Variants in NLRC3 observed in about 807,000 individuals in gnomAD.
The protein encoded by NLRC3 is NLR family CARD domain containing 3.
A neutral mutation model predicts 91.6 loss-of-function variants in NLRC3; 87 were observed. The observed-to-expected ratio is 0.95, with a 90% CI of 0.80 to 1.14. NLRC3 has a LOEUF of 1.14. Ranked by LOEUF, NLRC3 falls within the 50% of genes most tolerant of loss-of-function variation. NLRC3 has a pLI of 0.00. For missense variants in NLRC3, 1,577 were observed against 1,418.6 expected (o/e 1.11, Z -1.79); for synonymous variants, 694 against 625.3 (o/e 1.11, Z -1.64).
intron 8 of NLRC3, 32 bp downstream of exon 8, chr16:3,556,879 G>A (rs370974258): frequency 6.6e-7 from 1 of 1,506,622 alleles, no homozygotes; most frequent in Non-Finnish European, 9.2e-7. Context: ...CCCTCTCTTG[G>A]GGTCACAACA....
chr16:3,542,225 C>A lies in NLRC3; in HGVS notation c.3073G>T (p.Ala1025Ser), dbSNP rs1235230100. The change falls in exon 19 of 20, where the codon GCA (alanine) becomes TCA (serine). Residue 1025 changes from alanine to serine, a missense_variant. Ala to Ser is a moderately conservative substitution (Grantham distance 99). Coordinates refer to ENST00000359128, the MANE Select transcript of NLRC3 (RefSeq NM_178844.4). ...TGGAGCCTGTGGTTTCCAGACAGTGCTGTGGCAATGCATATCGCCCCGTCC... is the reference window on the plus strand; with the variant it reads ...TGGAGCCTGTGGTTTCCAGACAGTGATGTGGCAATGCATATCGCCCCGTCC... ...GMDGAICIAT[A>S]LSGNHRLQHI... 3 of 1,594,188 alleles carry A rather than the reference C, an allele frequency of 1.9e-6. No homozygotes were observed. Among genetic ancestry groups the A allele is most frequent in the Non-Finnish European group, 2.6e-6 (3 of 1,170,096 alleles).
At chr16:3,545,852 C>G (rs1293298111) in intron 15 of NLRC3, 1 of 152,280 alleles carries the variant, frequency 6.6e-6, no homozygotes, top group East Asian at 1.9e-4. Flanking sequence ...CCAGAAGCCA[C>G]CCTGAGGGGC....
chr16:3,544,286 C>T lies in NLRC3; in HGVS notation c.2815G>A (p.Ala939Thr), dbSNP rs925884486. The T allele has an allele frequency of 6.2e-7, 1 of 1,613,386 alleles. No homozygotes were observed. Among genetic ancestry groups the T allele is most frequent in the Non-Finnish European group, 8.5e-7 (1 of 1,179,426 alleles). Residue 939 changes from alanine to threonine, a missense_variant, in exon 16 of 20, where the codon GCC becomes ACC. By Grantham distance (58) the Ala-to-Thr change is moderately conservative (BLOSUM62 0). Coordinates refer to ENST00000359128, the MANE Select transcript of NLRC3 (RefSeq NM_178844.4). ...GCTGTGTTGACCTTCAGTGCACGGGCCACCGCACACGCTCCGTCATCCCCG... is the reference window on the plus strand; with the variant it reads ...GCTGTGTTGACCTTCAGTGCACGGGTCACCGCACACGCTCCGTCATCCCCG... ...AIGDDGACAVARALKVNTALT... is the reference protein window; with the variant it reads ...AIGDDGACAVTRALKVNTALT...
chr16:3,555,011 C>T lies in NLRC3; in HGVS notation c.2184-686G>A, dbSNP rs150669676. ...TTGGGAGGCCGAGGTGGGTGGATCA[C>T]TTGAGGTCAGCAATTTGAGACCAGC... is the stretch of plus-strand genomic sequence containing the variant. On this transcript the variant is annotated intron_variant, in intron 8 of 19. Transcript: ENST00000359128. Among the ~76,000 whole-genome samples the T allele has an allele frequency of 8.6e-3, 1,313 of 152,252 alleles. 19 individuals are homozygous for T. Among genetic ancestry groups the T allele is most frequent in the African/African-American group, 0.03 (1,257 of 41,542 alleles).
At chr16:3,552,150 G>A in intron 10 of NLRC3, 46 bp downstream of exon 10, 1 of 1,156,898 alleles carries the variant, frequency 8.6e-7, no homozygotes, top group Non-Finnish European at 1.3e-6. Context: ...GTTGGGCATT[G>A]TGCTGGGCAC....
At chr16:3,551,218 A>T (rs1038906630) in intron 10 of NLRC3, among the ~76,000 whole-genome samples, 1 of 150,996 alleles carries the variant, frequency 6.6e-6, no homozygotes, top group Non-Finnish European at 1.5e-5. Context: ...TCATCTATCC[A>T]TTCATCCATC....
At chr16:3,565,515 T>G (rs2039843096) in intron 2 of NLRC3, 135 bp from the exon 3 acceptor site, 1 of 340,800 alleles carries the variant, frequency 2.9e-6, no homozygotes, top group Non-Finnish European at 5.4e-6. Flanking sequence ...GCAGCCACTC[T>G]GGGGACGCTA....
Position 3,554,251 on chromosome 16 carries a change from G to A in NLRC3, c.2258C>T (p.Ser753Phe). ...AGATGTGTTCACTCACTGCAGCATG[G>A]AGAGGGTCCGGTTGGAGGCCAAGGC... ...AEALASNRTLSMLHLQKNSIG... is the reference protein window; with the variant it reads ...AEALASNRTLFMLHLQKNSIG... The change falls in exon 9 of 20, where the codon TCC (serine) becomes TTC (phenylalanine). Residue 753 changes from serine to phenylalanine, a missense_variant. Coordinates refer to ENST00000359128, the MANE Select transcript of NLRC3 (RefSeq NM_178844.4). 1 of 1,611,814 alleles carries A rather than the reference G, an allele frequency of 6.2e-7. No individual in the cohort carries two copies. Among genetic ancestry groups the A allele is most frequent in the Non-Finnish European group, 8.5e-7 (1 of 1,177,934 alleles).
In NLRC3 at chr16:3,563,784, G is replaced by C. The variant is rs778397189; in HGVS notation, c.1153C>G (p.Arg385Gly). The change falls in exon 5 of 20, where the codon CGC becomes GGC. Residue 385 changes from arginine (R) to glycine (G), a missense_variant. Physicochemically the swap from Arg to Gly is moderately radical, Grantham distance 125 (BLOSUM62 -2). Coordinates refer to ENST00000359128, the MANE Select transcript of NLRC3 (RefSeq NM_178844.4). Reference protein sequence around the residue: ...EGQEKGKASPRIEQVAHGGRK... With the variant: ...EGQEKGKASPGIEQVAHGGRK... ...CCACCATGGGCCACCTGCTCGATGC[G>C]AGGGCTTGCCTTGCCCTTCTCCTGC... 2 of 1,612,696 alleles carry C rather than the reference G, an allele frequency of 1.2e-6. No homozygotes were observed. The highest frequency in any genetic ancestry group is 1.7e-5 in the Admixed American group (1 of 59,976).
At chr16:3,561,646 G>A in intron 6 of NLRC3, 56 bp downstream of exon 6, 2 of 1,199,172 alleles carry the variant, frequency 1.7e-6, no homozygotes, top group Non-Finnish European at 2.5e-6. Flanking sequence ...ATGGGAAGAG[G>A]GTTCCATACC....
At chr16:3,554,767 T>C (rs1031474236) in intron 8 of NLRC3, among the ~76,000 whole-genome samples, 3 of 152,056 alleles carry the variant, frequency 2.0e-5, no homozygotes, top group African/African-American at 4.8e-5. Flanking sequence ...CATTCCTAGG[T>C]ATATCCTCAA....
chr16:3,563,022 A>G lies in NLRC3; in HGVS notation c.1915T>C (p.Cys639Arg). The G allele has an allele frequency of 1.3e-6, 2 of 1,554,006 alleles. No homozygotes were observed. The highest frequency in any genetic ancestry group is 1.7e-6 in the Non-Finnish European group (2 of 1,149,318). ...CCTGGTATCCACCTGAGCTTCCGGC[A>G]GTAGAGCAGCTGGGGCAGCAGGCTC... The part of the protein sequence containing the change: ...LQSLLPQLLY[C>R]RKLRLDTNQF... Residue 639 changes from cysteine (C) to arginine (R), a missense_variant, in exon 5 of 20, where the codon TGC becomes CGC. Transcript: ENST00000359128.
intron 19 of NLRC3, 76 bp from the exon 20 acceptor site, chr16:3,541,991 G>T: frequency 1.1e-6 from 1 of 910,120 alleles, no homozygotes; most frequent in Non-Finnish European, 1.8e-6. Context: ...AATAGAAAAT[G>T]CAGGACCCCA....
chr16:3,549,195 T>A lies in NLRC3; in HGVS notation c.2550A>T (p.Gly850=). 1 of 1,588,386 alleles carries A rather than the reference T, an allele frequency of 6.3e-7. No individual in the cohort carries two copies. The highest frequency in any genetic ancestry group is 2.3e-5 in the East Asian group (1 of 43,860). Residue 850 remains glycine (G), a synonymous_variant, in exon 13 of 20, where the codon GGA becomes GGT. Transcript: ENST00000359128. ...SLRENSISPE[G]AQAIAHALCA... The stretch of plus-strand genomic sequence containing the variant: ...AGAGGGCATGAGCGATGGCCTGGGC[T>A]CCCTCGGGACTGATGGAGTTTTCTC...
At chr16:3,557,033 T>A in intron 7 of NLRC3, 39 bp from the exon 8 acceptor site, 1 of 1,408,250 alleles carries the variant, frequency 7.1e-7, no homozygotes, top group South Asian at 1.2e-5. Context: ...TTCATCTGTC[T>A]CCCAGAGAGG....
intron 7 of NLRC3, 141 bp downstream of exon 7, chr16:3,557,452 C>A (rs751048529): frequency 8.1e-6 from 5 of 615,010 alleles, no homozygotes; most frequent in Non-Finnish European, 1.5e-5. Flanking sequence ...AGATGCTACC[C>A]AGGGGCTGAA....
chr16:3,547,147 C>T (rs1036933369), intron 15 of NLRC3, among the ~76,000 whole-genome samples: 3 of 152,168 alleles, frequency 2.0e-5, no homozygotes, highest in African/African-American at 2.4e-5. Context: ...AACAACCCAA[C>T]GTCCGTCAGC....
In NLRC3 at chr16:3,564,845, C is replaced by T. The variant is rs2039803805; in HGVS notation, c.178+14G>A. 1.3e-6 allele frequency: 2 copies of T among 1,594,164 alleles called. No homozygotes were observed. On this transcript the variant is annotated intron_variant, in intron 4 of 19. Transcript: ENST00000359128. The surrounding 1 kb of genome is among the most constrained non-coding windows in gnomAD (Gnocchi z 5.9). ...TGTTCCCCACCCCGCGTCTGCCTCC[C>T]AAGCCGGTCCTACCATTGCTGCAGG...
In NLRC3 at chr16:3,541,572, T is replaced by C; in HGVS notation, c.*253A>G. The stretch of plus-strand genomic sequence containing the variant: ...CAGCTTTCAGGCCTTTGGCCCCTAG[T>C]CCCTTGGGGGTGGCCCCTCCCTTCT... On this transcript the variant is annotated 3_prime_UTR_variant, in exon 20 of 20. Transcript: ENST00000359128. 1.9e-6 allele frequency: 1 copy of C among 517,300 alleles called. No individual in the cohort carries two copies. Among genetic ancestry groups the C allele is most frequent in the South Asian group, 2.5e-5 (1 of 39,396 alleles). The allele number at this position is 517,300 out of a possible 1,614,324, so 32.0% of individuals were successfully genotyped here. A position where few individuals can be genotyped will look rare whatever the true frequency, so the allele number is the denominator to read the frequency against.
Sources: allele counts gnomAD v4.1 joint callset (sites outside exome capture counted in the v4.1 genomes callset), GRCh38; gene constraint gnomAD v4.1.1; non-coding constraint Gnocchi (gnomAD v3.1); transcripts MANE v1.5; gene names NCBI Gene and HGNC (gene_info 2026-07-23, HGNC 2026-07-21).